Variants in IL1RAPL2 observed in about 807,000 individuals in gnomAD.
The protein encoded by IL1RAPL2 is X-linked interleukin-1 receptor accessory protein-like 2.
A neutral mutation model predicts 44.1 loss-of-function variants in IL1RAPL2; 3 were observed. That is an observed-to-expected ratio of 0.07 (90% CI 0.03 to 0.18). The LOEUF (loss-of-function observed/expected upper bound fraction) is 0.18. Among genes scored for constraint, IL1RAPL2 ranks in the 10% least tolerant of loss-of-function variants. The pLI, the probability that IL1RAPL2 is intolerant of heterozygous loss-of-function variation, is 1.00. For synonymous variants in IL1RAPL2, 181 were observed against 178.8 expected (o/e 1.01, Z -0.10); for missense variants, 391 against 496.4 (o/e 0.79, Z 2.02).
intron 1 of IL1RAPL2, among the ~76,000 whole-genome samples, chrX:104,582,602 TTC>T (rs1184857455): frequency 0.02 from 1,652 of 83,266 alleles, 21 homozygotes; most frequent in East Asian, 0.051. Flanking sequence ...TTCTTTTTCT[TTC>T]TTTCTTTCTT....
chrX:105,371,756 C>A (rs1263895580), intron 5 of IL1RAPL2, among the ~76,000 whole-genome samples: 6 of 112,238 alleles, frequency 5.3e-5, no homozygotes, highest in Non-Finnish European at 1.1e-4. Flanking sequence ...GAGATGAACA[C>A]AAACACCATT....
intron 6 of IL1RAPL2, among the ~76,000 whole-genome samples, chrX:105,585,057 AT>A (rs1317025848): frequency 1.5e-4 from 16 of 110,217 alleles, no homozygotes; most frequent in African/African-American, 4.9e-4. Flanking sequence ...CAGATATTGT[AT>A]TTTTAATTCC....
intron 5 of IL1RAPL2, among the ~76,000 whole-genome samples, chrX:105,277,887 CT>C (rs1427118522): frequency 2.7e-5 from 3 of 110,714 alleles, no homozygotes; most frequent in African/African-American, 9.9e-5. Flanking sequence ...CATAGAGTGA[CT>C]TTTTTCCTTC....
chrX:105,745,394 C>A (rs2147580012), intron 8 of IL1RAPL2, among the ~76,000 whole-genome samples: 1 of 112,028 alleles, frequency 8.9e-6, no homozygotes, highest in Non-Finnish European at 1.9e-5. Context: ...GTACCAATTT[C>A]TGTCTTAGTC....
intron 6 of IL1RAPL2, among the ~76,000 whole-genome samples, chrX:105,634,165 A>G (rs1812435457): frequency 9.0e-6 from 1 of 111,189 alleles, no homozygotes; most frequent in Non-Finnish European, 1.9e-5. Context: ...TCAATTAATC[A>G]TATTGACTGA....
chrX:104,879,400 A>T (rs1923002789), intron 2 of IL1RAPL2, among the ~76,000 whole-genome samples: 1 of 100,751 alleles, frequency 9.9e-6, no homozygotes, highest in Non-Finnish European at 2.1e-5. Flanking sequence ...CAGAAAACAT[A>T]GCCTTGCTCT....
intron 2 of IL1RAPL2, among the ~76,000 whole-genome samples, chrX:104,844,938 TA>T (rs1398381949): frequency 8.9e-6 from 1 of 111,743 alleles, no homozygotes; most frequent in African/African-American, 3.3e-5. Flanking sequence ...TTCCTATTTG[TA>T]AAAAAATAGG....
intron 5 of IL1RAPL2, among the ~76,000 whole-genome samples, chrX:105,445,074 A>G (rs1429769612): frequency 1.8e-5 from 2 of 111,152 alleles, no homozygotes; most frequent in African/African-American, 6.5e-5. Flanking sequence ...CTTGTTACTT[A>G]TTCTTGGTCT....
At chrX:104,772,716 G>A (rs1932658203) in intron 2 of IL1RAPL2, among the ~76,000 whole-genome samples, 1 of 111,502 alleles carries the variant, frequency 9.0e-6, no homozygotes, top group African/African-American at 3.3e-5. Context: ...ATACCCTCTA[G>A]ACCATAGACA....
intron 6 of IL1RAPL2, among the ~76,000 whole-genome samples, chrX:105,568,711 A>G (rs1321666724): frequency 8.9e-6 from 1 of 112,264 alleles, no homozygotes; most frequent in Non-Finnish European, 1.9e-5. Context: ...CCCTTTTCCA[A>G]TACATCTCAT....
In IL1RAPL2 at chrX:104,913,272, T is replaced by C. The variant is rs376496186; in HGVS notation, c.82+254277T>C. ...ATAATTCTTGGAAGGTAATAAGGTC[T>C]GGTAGTTGCTTTCGATTTTCTAAGC... is the stretch of plus-strand genomic sequence containing the variant. On this transcript the variant is annotated intron_variant, in intron 2 of 10. Coordinates refer to ENST00000372582, the MANE Select transcript of IL1RAPL2 (RefSeq NM_017416.2). Among the ~76,000 whole-genome samples the C allele has an allele frequency of 1.5e-3, 162 of 110,625 alleles. 1 individual carries two copies. Among genetic ancestry groups the C allele is most frequent in the African/African-American group, 5.0e-3 (150 of 29,730 alleles).
chrX:105,666,575 A>G (rs1367046164), intron 6 of IL1RAPL2, among the ~76,000 whole-genome samples: 1 of 112,046 alleles, frequency 8.9e-6, no homozygotes, highest in East Asian at 2.8e-4. Context: ...TCCATAACCT[A>G]TTATTAGCAA....
At chrX:104,626,880 G>A (rs1268669827) in intron 1 of IL1RAPL2, among the ~76,000 whole-genome samples, 1 of 107,025 alleles carries the variant, frequency 9.3e-6, no homozygotes, top group African/African-American at 3.4e-5. Flanking sequence ...GAGTGCAGTG[G>A]TACAATCTCA....
At chrX:104,913,573 C>T (rs764461570) in intron 2 of IL1RAPL2, among the ~76,000 whole-genome samples, 1 of 111,680 alleles carries the variant, frequency 9.0e-6, no homozygotes, top group Non-Finnish European at 1.9e-5. Flanking sequence ...TTTTAAGCAA[C>T]AGTAAAGGAT....
intron 1 of IL1RAPL2, among the ~76,000 whole-genome samples, chrX:104,634,629 G>A (rs1213787304): frequency 9.0e-6 from 1 of 111,360 alleles, no homozygotes; most frequent in African/African-American, 3.3e-5. Flanking sequence ...GATCTTTGTT[G>A]GTTTAAAGTT....
chrX:104,814,798 C>T (rs760598005), intron 2 of IL1RAPL2, among the ~76,000 whole-genome samples: 3 of 112,109 alleles, frequency 2.7e-5, no homozygotes, highest in African/African-American at 9.7e-5. Flanking sequence ...ATTTCTACAT[C>T]AAAGAAAGTG....
chrX:105,567,743 G>C (rs2036984623), intron 6 of IL1RAPL2, among the ~76,000 whole-genome samples: 1 of 111,122 alleles, frequency 9.0e-6, no homozygotes, highest in Admixed American at 9.6e-5. Flanking sequence ...AATTTGTCTT[G>C]GATTTTCTGG....
At chrX:105,219,728 C>T (rs782005557) in intron 3 of IL1RAPL2, 11 of 1,206,891 alleles carry the variant, frequency 9.1e-6, no homozygotes, top group Non-Finnish European at 1.2e-5. Context: ...CACCCTGCCC[C>T]CTGCTCCCAC....
intron 2 of IL1RAPL2, among the ~76,000 whole-genome samples, chrX:105,081,013 CTGTT>C (rs1428165617): frequency 1.8e-5 from 2 of 111,162 alleles, no homozygotes; most frequent in Non-Finnish European, 3.8e-5. Flanking sequence ...GTTTGGCTCT[CTGTT>C]TGTCAGTTTT....
Sources: allele counts gnomAD v4.1 joint callset (sites outside exome capture counted in the v4.1 genomes callset), GRCh38; gene constraint gnomAD v4.1.1; transcripts MANE v1.5; gene names NCBI Gene and HGNC (gene_info 2026-07-23, HGNC 2026-07-21).